Variants in BNC2 observed in about 807,000 individuals in gnomAD.
BNC2 encodes the protein zinc finger protein basonuclin-2.
In BNC2, 20 loss-of-function variants were observed where a neutral mutation model predicts 76.3. The observed-to-expected ratio is 0.26, with a 90% CI of 0.18 to 0.38. BNC2 has a LOEUF of 0.38. Ranked by LOEUF, BNC2 falls within the 10% of genes least tolerant of loss-of-function variation. The pLI, the probability that BNC2 is intolerant of heterozygous loss-of-function variation, is 1.00. For synonymous variants in BNC2, 582 were observed against 514.8 expected (o/e 1.13, Z -1.77); for missense variants, 1,382 against 1,399.8 (o/e 0.99, Z 0.20).
At chr9:16,789,900 A>C (rs189409125) in intron 1 of BNC2, among the ~76,000 whole-genome samples, 62 of 152,326 alleles carry the variant, frequency 4.1e-4, no homozygotes, top group African/African-American at 1.4e-3. Context: ...GTATACCCTC[A>C]TCACTTACAA....
intron 3 of BNC2, among the ~76,000 whole-genome samples, chr9:16,684,294 A>C (rs1271383237): frequency 6.6e-6 from 1 of 152,198 alleles, no homozygotes; most frequent in South Asian, 2.1e-4. Flanking sequence ...CTGCATTTGC[A>C]TGTCACACAC....
At chr9:16,472,203 G>A (rs1195875993) in intron 5 of BNC2, among the ~76,000 whole-genome samples, 1 of 152,138 alleles carries the variant, frequency 6.6e-6, no homozygotes, top group African/African-American at 2.4e-5. Flanking sequence ...TAACACAAAG[G>A]GAAAGGAGTC....
intron 1 of BNC2, among the ~76,000 whole-genome samples, chr9:16,766,033 C>T (rs10117034): frequency 0.099 from 15,046 of 152,096 alleles, 933 homozygotes; most frequent in Admixed American, 0.19. Context: ...GTGATCCGCC[C>T]GCCTTGGCCT....
intron 5 of BNC2, among the ~76,000 whole-genome samples, chr9:16,459,598 G>C (rs1821530141): frequency 6.9e-6 from 1 of 145,628 alleles, no homozygotes; most frequent in African/African-American, 2.4e-5. Context: ...CAGGAGAATG[G>C]GGACTCAGGA....
At chr9:16,799,974 C>T (rs1050562129) in intron 1 of BNC2, among the ~76,000 whole-genome samples, 2 of 151,904 alleles carry the variant, frequency 1.3e-5, no homozygotes, top group Admixed American at 1.3e-4. Flanking sequence ...CCTGTAATCC[C>T]AGCACTTTGA....
chr9:16,690,462 TATAC>T (rs138085453), intron 3 of BNC2, among the ~76,000 whole-genome samples: 6 of 151,600 alleles, frequency 4.0e-5, no homozygotes, highest in East Asian at 3.9e-4. Flanking sequence ...GTCTCAAATA[TATAC>T]ATACATACAT....
chr9:16,662,482 T>A (rs1822137950), intron 3 of BNC2, among the ~76,000 whole-genome samples: 1 of 152,214 alleles, frequency 6.6e-6, no homozygotes, highest in South Asian at 2.1e-4. Flanking sequence ...ATGTCTGTAA[T>A]TCCAGCACTT....
chr9:16,652,979 G>C (rs1821834031), intron 3 of BNC2, among the ~76,000 whole-genome samples: 1 of 152,070 alleles, frequency 6.6e-6, no homozygotes, highest in Non-Finnish European at 1.5e-5. Context: ...TGGTTTACGG[G>C]ATCAAGTTTT....
rs528851957 is a variant in BNC2, at chr9:16,493,341, C to A, written c.670-55817G>T. On this transcript the variant is annotated intron_variant, in intron 5 of 6. Transcript: ENST00000380672. ...CCAACAACCTGAAGTTAGAAGCCAT[C>A]AATTCAGAAGATCTTTTCAAAGTAC... Among the ~76,000 whole-genome samples the A allele has an allele frequency of 3.9e-5, 6 of 152,204 alleles. No individual in the cohort carries two copies. The South Asian group carries it at 1.2e-3, about 32-fold the overall frequency.
Position 16,788,353 on chromosome 9 carries a change from A to G in BNC2, c.4-49868T>C, listed in dbSNP as rs541694321. On this transcript the variant is annotated intron_variant, in intron 1 of 6. Transcript: ENST00000380672. Reference sequence around the variant, plus strand: ...CAGATCATGAAGTCAGGAGATCGAGACCATCCTGGCTAACATGGTGAAACC... The same window carrying G: ...CAGATCATGAAGTCAGGAGATCGAGGCCATCCTGGCTAACATGGTGAAACC... Among the ~76,000 whole-genome samples, 373 of 151,814 alleles carry G rather than the reference A, an allele frequency of 2.5e-3. 1 individual carries two copies. The highest frequency in any genetic ancestry group is 4.4e-3 in the Non-Finnish European group (300 of 67,796).
rs5896697 is a variant in BNC2, at chr9:16,587,199, C to CTT, written c.331-4116_331-4115dup. Among the ~76,000 whole-genome samples, 416 of 137,548 alleles carry CTT rather than the reference C, an allele frequency of 3.0e-3. 1 individual carries two copies. Among genetic ancestry groups the CTT allele is most frequent in the South Asian group, 8.7e-3 (37 of 4,266 alleles). The allele number at this position is 137,548 out of a possible 152,430, so 90.2% of individuals were successfully genotyped here. A position where few individuals can be genotyped will look rare whatever the true frequency, so the allele number is the denominator to read the frequency against. On this transcript the variant is annotated intron_variant, in intron 3 of 6. Coordinates refer to ENST00000380672, the MANE Select transcript of BNC2 (RefSeq NM_017637.6). Reference sequence around the variant, plus strand: ...ACTCTCCATTCCACTGACTAGGAATCTTTTTTTTTTTTTTTTCCTTCTGTT... The same window carrying CTT: ...ACTCTCCATTCCACTGACTAGGAATCTTTTTTTTTTTTTTTTTTCCTTCTGTT...
chr9:16,844,256 G>C (rs1232883203), intron 1 of BNC2, among the ~76,000 whole-genome samples: 2 of 151,970 alleles, frequency 1.3e-5, no homozygotes, highest in African/African-American at 4.8e-5. Flanking sequence ...GCAAAAACGG[G>C]TATATCTGGG....
At chr9:16,431,218 G>A (rs1289598182) in intron 6 of BNC2, among the ~76,000 whole-genome samples, 4 of 152,156 alleles carry the variant, frequency 2.6e-5, no homozygotes, top group Non-Finnish European at 5.9e-5. Flanking sequence ...TTTAACATAT[G>A]AGCCAATGAT....
intron 5 of BNC2, among the ~76,000 whole-genome samples, chr9:16,523,540 A>G (rs1255226820): frequency 1.3e-5 from 2 of 152,122 alleles, no homozygotes; most frequent in Non-Finnish European, 2.9e-5. Flanking sequence ...TTGAAAAACA[A>G]CTGTGAAGGT....
In BNC2 at chr9:16,548,554, T is replaced by C. The variant is rs376226058; in HGVS notation, c.669+3976A>G. ...CCAAGTAGCTGGGTTAACAGGCACA[T>C]GCCACCATACCCGGCTAATTTTTGT... On this transcript the variant is annotated intron_variant, in intron 5 of 6. Coordinates refer to ENST00000380672, the MANE Select transcript of BNC2 (RefSeq NM_017637.6). 1.5e-4 allele frequency among the ~76,000 whole-genome samples: 23 copies of C among 152,198 alleles called. 1 individual carries two copies. In the East Asian group the frequency reaches 4.1e-3, roughly 27 times the overall value.
rs1345616814 is a variant in BNC2, at chr9:16,568,265, T to C, written c.433+14718A>G. On this transcript the variant is annotated intron_variant, in intron 4 of 6. Coordinates refer to ENST00000380672, the MANE Select transcript of BNC2 (RefSeq NM_017637.6). ...TTTATGAAACTCTTTCCACGATTAC[T>C]TTAAGAGTTCTAAAAGTTGTTAGCG... 2.6e-5 allele frequency among the ~76,000 whole-genome samples: 4 copies of C among 152,172 alleles called. No homozygotes were observed. The East Asian group carries it at 7.7e-4, about 29-fold the overall frequency.
intron 1 of BNC2, among the ~76,000 whole-genome samples, chr9:16,828,764 C>T (rs1166504156): frequency 1.3e-5 from 2 of 152,218 alleles, no homozygotes; most frequent in Non-Finnish European, 2.9e-5. Flanking sequence ...CCAGCTATTT[C>T]TGTCATGCAA....
intron 3 of BNC2, among the ~76,000 whole-genome samples, chr9:16,651,355 A>G (rs1821789403): frequency 6.6e-6 from 1 of 152,232 alleles, no homozygotes; most frequent in African/African-American, 2.4e-5. Flanking sequence ...AGCTATAAGC[A>G]AAATCAGACC....
intron 3 of BNC2, among the ~76,000 whole-genome samples, chr9:16,700,841 C>T (rs1316045134): frequency 6.6e-6 from 1 of 152,124 alleles, no homozygotes; most frequent in African/African-American, 2.4e-5. Context: ...GTGGCACACA[C>T]CTGTAATCGC....
Sources: gnomAD v4.1 joint callset for allele counts (sites outside exome capture counted in the v4.1 genomes callset) on GRCh38, gnomAD v4.1.1 for gene constraint, MANE v1.5 for transcripts, NCBI Gene and HGNC (gene_info 2026-07-23, HGNC 2026-07-21) for gene names.